TAB3: variants seen among roughly 807,000 people sequenced by gnomAD.
TAB3 encodes the protein TGF-beta-activated kinase 1 and MAP3K7-binding protein 3.
A neutral mutation model predicts 48.1 loss-of-function variants in TAB3; 18 were observed. The observed-to-expected ratio is 0.37, with a 90% CI of 0.26 to 0.55. The LOEUF (loss-of-function observed/expected upper bound fraction) is 0.55, where lower values mean the gene tolerates loss of function less well. Ranked by LOEUF, TAB3 falls within the 20% of genes least tolerant of loss-of-function variation. The pLI, the probability that TAB3 is intolerant of heterozygous loss-of-function variation, is 0.78. For missense variants in TAB3, 414 were observed against 549.8 expected (o/e 0.75, Z 2.47); for synonymous variants, 185 against 190.2 (o/e 0.97, Z 0.22).
chrX:30,846,867 A>T (rs1232135137), intron 7 of TAB3, among the ~76,000 whole-genome samples: 1 of 111,954 alleles, frequency 8.9e-6, no homozygotes, highest in African/African-American at 3.2e-5. Context: ...ATCTGCATAT[A>T]AAGTGGCGAG....
At chrX:30,840,186 G>T (rs1183822691) in intron 9 of TAB3, among the ~76,000 whole-genome samples, 1 of 109,229 alleles carries the variant, frequency 9.2e-6, no homozygotes, top group East Asian at 2.9e-4. Context: ...GAAGTTTATT[G>T]ATTTTGTTTA....
chrX:30,889,045 G>A (rs774155609), intron 1 of TAB3, 69 bp downstream of exon 1: 1 of 113,179 alleles, frequency 8.8e-6, no homozygotes, highest in African/African-American at 3.2e-5. Flanking sequence ...CAGGGTCACT[G>A]GGACGATCCC....
intron 5 of TAB3, among the ~76,000 whole-genome samples, chrX:30,857,779 G>C (rs1211146459): frequency 8.9e-6 from 1 of 111,919 alleles, no homozygotes; most frequent in Non-Finnish European, 1.9e-5. Context: ...TGTCACATTT[G>C]ACTGTTAAAT....
Position 30,854,727 on chromosome X carries a change from G to C in TAB3, c.938C>G (p.Pro313Arg). The C allele has an allele frequency of 1.7e-6, 2 of 1,211,692 alleles. No homozygotes were observed. Among genetic ancestry groups the C allele is most frequent in the South Asian group, 1.8e-5 (1 of 56,952 alleles). ...PFSSPQHQVQ[P>R]SQLGHIFMPP... The stretch of plus-strand genomic sequence containing the variant: ...CATAAAGATGTGGCCCAACTGGGAA[G>C]GTTGCACTTGATGCTGTGGAGAGCT... Residue 313 changes from proline (P) to arginine (R), a missense_variant, in exon 6 of 11, where the codon CCT becomes CGT. Pro to Arg is a moderately radical substitution (Grantham distance 103). Transcript: ENST00000288422.
In TAB3 at chrX:30,855,439, G is replaced by A. The variant is rs765849096; in HGVS notation, c.226C>T (p.Leu76=). Residue 76 remains leucine (L), a synonymous_variant, in exon 6 of 11, where the codon CTG becomes TTG. Transcript: ENST00000288422. ...TAGCTACTAGGAGAATGGATACCCA[G>A]GTTAATATGTAAAAGGCGATTTCTA... ...MNRNRLLHIN[L]GIHSPSSYHP... is the part of the protein sequence containing the mutation. The A allele has an allele frequency of 8.3e-7, 1 of 1,209,606 alleles. No individual in the cohort carries two copies. Among genetic ancestry groups the A allele is most frequent in the African/African-American group, 1.8e-5 (1 of 57,091 alleles).
intron 4 of TAB3, among the ~76,000 whole-genome samples, chrX:30,866,279 A>C (rs866765719): frequency 1.8e-5 from 2 of 111,679 alleles, no homozygotes; most frequent in Middle Eastern, 4.2e-3. Flanking sequence ...AATATTTATA[A>C]ATATGCATAA....
At chrX:30,856,671 A>C (rs144267193) in intron 5 of TAB3, among the ~76,000 whole-genome samples, 6,453 of 111,890 alleles carry the variant, frequency 0.058, 358 homozygotes, top group African/African-American at 0.17. Flanking sequence ...ATTTTATATA[A>C]AAATGAAAGG....
intron 10 of TAB3, 66 bp downstream of exon 10, chrX:30,833,985 A>G (rs1601793315): frequency 9.9e-7 from 1 of 1,013,860 alleles, no homozygotes; most frequent in Non-Finnish European, 1.4e-6. Context: ...TTTTACTTAT[A>G]ATTCTACATG....
rs1938701536 is a variant in TAB3, at chrX:30,848,288, C to A, written c.1711-1644G>T. Among the ~76,000 whole-genome samples, 3 of 112,059 alleles carry A rather than the reference C, an allele frequency of 2.7e-5. No individual in the cohort carries two copies. The South Asian group carries it at 1.1e-3, about 41-fold the overall frequency. ...CCTGTAATCCCGGCACTTTGGGGGG[C>A]CAAGGCAGGTGGATCACTTGAGGTC... On this transcript the variant is annotated intron_variant, in intron 7 of 10. Transcript: ENST00000288422.
chrX:30,844,218 G>A (rs1176559072), intron 8 of TAB3: 3 of 111,620 alleles, frequency 2.7e-5, no homozygotes, highest in African/African-American at 9.8e-5. Flanking sequence ...ATTTAGATTC[G>A]TTATGAAAAG....
chrX:30,845,682 T>A (rs906258657), intron 8 of TAB3: 13 of 128,656 alleles, frequency 1.0e-4, no homozygotes, highest in Non-Finnish European at 1.7e-4. Flanking sequence ...TTAAGAACAC[T>A]TATAATGCAA....
chrX:30,882,783 C>T (rs187128058), intron 1 of TAB3, among the ~76,000 whole-genome samples: 1 of 111,793 alleles, frequency 8.9e-6, no homozygotes, highest in Admixed American at 9.5e-5. Flanking sequence ...CTGGTAAAAT[C>T]GAGTAAAATC....
At chrX:30,849,067 T>TTCTA (rs1345011405) in intron 7 of TAB3, among the ~76,000 whole-genome samples, 2 of 111,954 alleles carry the variant, frequency 1.8e-5, no homozygotes, top group African/African-American at 6.5e-5. Context: ...AAGCTAACAT[T>TTCTA]TCTATCTCAA....
At chrX:30,864,515 T>C (rs1043910778) in intron 4 of TAB3, among the ~76,000 whole-genome samples, 2 of 108,148 alleles carry the variant, frequency 1.8e-5, no homozygotes, top group Non-Finnish European at 4.0e-5. Flanking sequence ...CCCAACAGAA[T>C]TGCTCCTCCC....
intron 1 of TAB3, among the ~76,000 whole-genome samples, chrX:30,880,559 A>G (rs909171348): frequency 8.9e-6 from 1 of 111,941 alleles, no homozygotes; most frequent in Non-Finnish European, 1.9e-5. Flanking sequence ...ATGAGAGAAT[A>G]CCTTGGAGGT....
intron 4 of TAB3, among the ~76,000 whole-genome samples, chrX:30,865,237 T>C (rs1035977253): frequency 2.7e-5 from 3 of 112,268 alleles, no homozygotes; most frequent in Admixed American, 9.4e-5. Context: ...CACCCCCAAG[T>C]GGCCTCTAGA....
At chrX:30,849,329 T>G (rs1431220386) in intron 7 of TAB3, among the ~76,000 whole-genome samples, 1 of 112,564 alleles carries the variant, frequency 8.9e-6, no homozygotes, top group Non-Finnish European at 1.9e-5. Context: ...ATTATTTCAC[T>G]GTTATTCTAA....
At position 30,842,975 on chromosome X, in the gene TAB3, A is replaced by G; in HGVS notation, c.1879T>C (p.Ser627Pro). The stretch of plus-strand genomic sequence containing the variant: ...CATTTTTCATACTCACCTTTTTTAG[A>G]TGGCTTGGGTGGTACAACTGGGCCA... ...EPGPVVPPKP[S>P]KKDSSDPCTI... Residue 627 changes from serine to proline, a missense_variant, in exon 9 of 11, where the codon TCT (serine) becomes CCT (proline). Coordinates refer to ENST00000288422, the MANE Select transcript of TAB3 (RefSeq NM_152787.5). The G allele has an allele frequency of 3.5e-6, 4 of 1,149,370 alleles. No homozygotes were observed. The highest frequency in any genetic ancestry group is 2.5e-5 in the Admixed American group (1 of 39,645). The allele number at this position is 1,149,370 out of a possible 1,213,427, so 94.7% of individuals were successfully genotyped here. A position where few individuals can be genotyped will look rare whatever the true frequency, so the allele number is the denominator to read the frequency against.
In TAB3 at chrX:30,855,410, G is replaced by A; in HGVS notation, c.255C>T (p.His85=). The change falls in exon 6 of 11, where the codon CAC becomes CAT. Residue 85 remains histidine, a synonymous_variant. Transcript: ENST00000288422. The part of the protein sequence containing the change: ...NLGIHSPSSY[H]PGDGAQLNGG... ...CATTAAGTTGGGCTCCATCTCCTGG[G>A]TGATAGCTACTAGGAGAATGGATAC... 2 of 1,211,099 alleles carry A rather than the reference G, an allele frequency of 1.7e-6. No homozygotes were observed. The highest frequency in any genetic ancestry group is 2.2e-5 in the Admixed American group (1 of 46,005).
Sources: allele counts gnomAD v4.1 joint callset (sites outside exome capture counted in the v4.1 genomes callset), GRCh38; gene constraint gnomAD v4.1.1; transcripts MANE v1.5; gene names NCBI Gene and HGNC (gene_info 2026-07-23, HGNC 2026-07-21).